Variants in SNTB2 observed in about 807,000 individuals in gnomAD.
SNTB2 encodes syntrophin beta 2, also known as beta-2-syntrophin.
A neutral mutation model predicts 46.2 loss-of-function variants in SNTB2; 34 were observed. That is an observed-to-expected ratio of 0.74 (90% CI 0.56 to 0.98). The LOEUF (loss-of-function observed/expected upper bound fraction) is 0.98, where lower values mean the gene tolerates loss of function less well. SNTB2 is among the 50% of genes least tolerant of loss of function. The pLI is 0.00. For missense variants in SNTB2, 603 were observed against 731.4 expected (o/e 0.82, Z 2.02); for synonymous variants, 290 against 312.6 (o/e 0.93, Z 0.76).
rs530581239 is a variant in SNTB2 at position 69,205,240 on chromosome 16, C to A, written c.580+17494C>A. 5.9e-4 allele frequency among the ~76,000 whole-genome samples: 90 copies of A among 151,624 alleles called. 2 individuals are homozygous for A. Among genetic ancestry groups the A allele is most frequent in the Admixed American group, 5.9e-3 (90 of 15,202 alleles). The stretch of plus-strand genomic sequence containing the variant: ...TCTCAGCTTACTGCAACCACCACCT[C>A]CTGGGTTCAAGCAATTCTCCTGCCT... On this transcript the variant is annotated intron_variant, in intron 1 of 6. Coordinates refer to ENST00000336278, the MANE Select transcript of SNTB2 (RefSeq NM_006750.4).
intron 1 of SNTB2, among the ~76,000 whole-genome samples, chr16:69,233,061 C>T (rs879673650): frequency 1.3e-5 from 2 of 152,126 alleles, no homozygotes; most frequent in Admixed American, 1.3e-4. Flanking sequence ...ACTGAAAATT[C>T]CAAGATCACC....
intron 1 of SNTB2, 27 bp downstream of exon 1, chr16:69,187,773 G>GGC: frequency 5.1e-5 from 17 of 331,856 alleles, no homozygotes; most frequent in Non-Finnish European, 8.3e-5. Context: ...GGGAGGGTGG[G>GGC]CAGGCCGCGG....
chr16:69,226,857 A>G (rs1359741788), intron 1 of SNTB2, among the ~76,000 whole-genome samples: 1 of 152,224 alleles, frequency 6.6e-6, no homozygotes, highest in Non-Finnish European at 1.5e-5. Flanking sequence ...ATGTTACTGC[A>G]GGAGCAAACT....
chr16:69,305,139 C>T lies in SNTB2; in HGVS notation c.*4215C>T, dbSNP rs1029709424. On this transcript the variant is annotated 3_prime_UTR_variant, in exon 7 of 7. Coordinates refer to ENST00000336278, the MANE Select transcript of SNTB2 (RefSeq NM_006750.4). ...AGAAATTCCAGGTCTTCTTGCTTAACTTATATGCATGTGGATATATTTGTT... is the reference window on the plus strand; with the variant it reads ...AGAAATTCCAGGTCTTCTTGCTTAATTTATATGCATGTGGATATATTTGTT... The T allele has an allele frequency of 1.3e-5, 2 of 152,470 alleles. No homozygotes were observed. The highest frequency in any genetic ancestry group is 2.9e-5 in the Non-Finnish European group (2 of 68,024). The allele number at this position is 152,470 out of a possible 1,614,324, so 9.4% of individuals were successfully genotyped here. A position where few individuals can be genotyped will look rare whatever the true frequency, so the allele number is the denominator to read the frequency against.
At chr16:69,217,835 A>G (rs986968966) in intron 1 of SNTB2, among the ~76,000 whole-genome samples, 1 of 152,194 alleles carries the variant, frequency 6.6e-6, no homozygotes, top group Non-Finnish European at 1.5e-5. Flanking sequence ...AGCATGTTGT[A>G]GGAGTCTCTC....
chr16:69,297,627 A>AC (rs71148987), intron 5 of SNTB2, among the ~76,000 whole-genome samples: 1 of 148,578 alleles, frequency 6.7e-6, no homozygotes, highest in Non-Finnish European at 1.5e-5. Flanking sequence ...AAAAAAAAAA[A>AC]GAAGCCATGT....
chr16:69,300,517 T>C (rs530205036), intron 6 of SNTB2, among the ~76,000 whole-genome samples: 2 of 152,256 alleles, frequency 1.3e-5, no homozygotes, highest in African/African-American at 4.8e-5. Context: ...CCCAAAGTGC[T>C]GGGATTATGG....
intron 2 of SNTB2, among the ~76,000 whole-genome samples, chr16:69,246,104 T>C (rs1964668159): frequency 6.6e-6 from 1 of 152,210 alleles, no homozygotes; most frequent in African/African-American, 2.4e-5. Flanking sequence ...TCCTTTTATG[T>C]CTTTCTGTAA....
chr16:69,217,742 G>A (rs1964362400), intron 1 of SNTB2, among the ~76,000 whole-genome samples: 4 of 152,272 alleles, frequency 2.6e-5, no homozygotes, highest in African/African-American at 9.6e-5. Context: ...CTTTGCCGTA[G>A]GCTGGCTGTG....
At chr16:69,223,097 C>G (rs939023871) in intron 1 of SNTB2, among the ~76,000 whole-genome samples, 2 of 151,920 alleles carry the variant, frequency 1.3e-5, no homozygotes, top group Admixed American at 6.6e-5. Flanking sequence ...ACTTACAATT[C>G]TTTTGCTTTT....
At chr16:69,246,921 A>C in intron 2 of SNTB2, among the ~76,000 whole-genome samples, 1 of 109,614 alleles carries the variant, frequency 9.1e-6, no homozygotes, top group African/African-American at 3.4e-5. Flanking sequence ...GGGGGGAGGG[A>C]TAGCATTGGG....
Position 69,206,827 on chromosome 16 carries a change from G to A in SNTB2, c.580+19081G>A, listed in dbSNP as rs926602012. ...GTTGCCCAGGCTGGAGTGCAGTGGC[G>A]CAATCTCAGCTCACTGCAACCTCCA... On this transcript the variant is annotated intron_variant, in intron 1 of 6. Transcript: ENST00000336278. 9.8e-4 allele frequency among the ~76,000 whole-genome samples: 148 copies of A among 151,480 alleles called. 1 individual carries two copies. The highest frequency in any genetic ancestry group is 3.4e-3 in the African/African-American group (141 of 41,358).
At position 69,187,389 on chromosome 16, in the gene SNTB2, A is replaced by C; in HGVS notation, c.223A>C (p.Asn75His). Reference protein sequence around the residue: ...PAAAAFNGLPNGGGAGDSLPG... With the variant: ...PAAAAFNGLPHGGGAGDSLPG... ...GGCCGCCGCCTTCAACGGCCTCCCAAACGGCGGCGGCGCGGGCGACTCGCT... is the reference window on the plus strand; with the variant it reads ...GGCCGCCGCCTTCAACGGCCTCCCACACGGCGGCGGCGCGGGCGACTCGCT... The change falls in exon 1 of 7, where the codon AAC becomes CAC. Residue 75 changes from asparagine to histidine, a missense_variant. By Grantham distance (68) the Asn-to-His change is moderately conservative. Coordinates refer to ENST00000336278, the MANE Select transcript of SNTB2 (RefSeq NM_006750.4). The C allele has an allele frequency of 7.7e-7, 1 of 1,303,470 alleles. No homozygotes were observed. The highest frequency in any genetic ancestry group is 9.7e-7 in the Non-Finnish European group (1 of 1,031,064). 80.7% of individuals were successfully genotyped at this position (1,303,470 alleles called of 1,614,324 possible).
At chr16:69,233,721 C>A (rs1964530064) in intron 1 of SNTB2, among the ~76,000 whole-genome samples, 1 of 152,050 alleles carries the variant, frequency 6.6e-6, no homozygotes, top group Non-Finnish European at 1.5e-5. Context: ...ACTTGTAATC[C>A]CAGCACTTTG....
intron 1 of SNTB2, among the ~76,000 whole-genome samples, chr16:69,245,348 C>A (rs925681924): frequency 6.6e-6 from 1 of 152,082 alleles, no homozygotes; most frequent in Non-Finnish European, 1.5e-5. Flanking sequence ...CGCATGCCAC[C>A]ACGCTCACCT....
rs1021650140 is a variant in SNTB2, at chr16:69,308,481, T to C, written c.*7557T>C. On this transcript the variant is annotated 3_prime_UTR_variant, in exon 7 of 7. Transcript: ENST00000336278. ...ACTCCAGTATTATGTTTACAATCCA[T>C]TGGATGAGTGCAGCATTATAAGACC... The C allele has an allele frequency of 2.1e-4, 32 of 152,334 alleles. No homozygotes were observed. Among genetic ancestry groups the C allele is most frequent in the Admixed American group, 1.1e-3 (17 of 15,304 alleles). The allele number at this position is 152,334 out of a possible 1,614,324, so 9.4% of individuals were successfully genotyped here. A position where few individuals can be genotyped will look rare whatever the true frequency, so the allele number is the denominator to read the frequency against.
chr16:69,282,863 T>C (rs1965063510), intron 4 of SNTB2, among the ~76,000 whole-genome samples: 1 of 152,246 alleles, frequency 6.6e-6, no homozygotes. Context: ...ATAAATGGTA[T>C]GTTTTTAATT....
Position 69,255,702 on chromosome 16 carries a change from G to A in SNTB2, c.795-4348G>A, listed in dbSNP as rs185221276. ...TTCAGACCAGCCTGACCAACATGGT[G>A]AATCCCCCACTCTACTAAAGATACA... On this transcript the variant is annotated intron_variant, in intron 2 of 6. Coordinates refer to ENST00000336278, the MANE Select transcript of SNTB2 (RefSeq NM_006750.4). 1.3e-3 allele frequency among the ~76,000 whole-genome samples: 194 copies of A among 151,956 alleles called. 2 individuals carry two copies. Among genetic ancestry groups the A allele is most frequent in the Non-Finnish European group, 2.6e-4 (18 of 67,958 alleles).
chr16:69,294,845 CGGGCTGGA>C (rs1336277308), intron 5 of SNTB2, among the ~76,000 whole-genome samples: 30 of 149,610 alleles, frequency 2.0e-4, no homozygotes, highest in Non-Finnish European at 2.2e-4. Context: ...CTCTGTCACT[CGGGCTGGA>C]GGGCTGGAGG....
Sources: gnomAD v4.1 joint callset for allele counts (sites outside exome capture counted in the v4.1 genomes callset) on GRCh38, gnomAD v4.1.1 for gene constraint, MANE v1.5 for transcripts, NCBI Gene and HGNC (gene_info 2026-07-23, HGNC 2026-07-21) for gene names.